VWF: variants seen among roughly 807,000 people sequenced by gnomAD.
VWF encodes Factor VIII related antigen.
VWF carries 176 observed loss-of-function variants against 308.6 expected under a neutral mutation model. The observed-to-expected ratio is 0.57, with a 90% CI of 0.50 to 0.65. VWF has a LOEUF of 0.65. Ranked by LOEUF, VWF falls within the 30% of genes least tolerant of loss-of-function variation. The pLI is 0.00. For missense variants in VWF, 3,146 were observed against 3,648.2 expected (o/e 0.86, Z 3.55); for synonymous variants, 1,385 against 1,443.4 (o/e 0.96, Z 0.92).
rs192673997 is a variant in VWF, at chr12:6,078,423, C to T, written c.658-2872G>A. On this transcript the variant is annotated intron_variant, in intron 6 of 51. Coordinates refer to ENST00000261405, the MANE Select transcript of VWF (RefSeq NM_000552.5). ...AGACTGAGGCCTGTGTCTTTCCCTCCATTCTGCCATGCTGCCTACCCCATC... is the reference window on the plus strand; with the variant it reads ...AGACTGAGGCCTGTGTCTTTCCCTCTATTCTGCCATGCTGCCTACCCCATC... Among the ~76,000 whole-genome samples, 130 of 152,316 alleles carry T rather than the reference C, an allele frequency of 8.5e-4. 1 individual carries two copies. Among genetic ancestry groups the T allele is most frequent in the Admixed American group, 2.6e-3 (40 of 15,310 alleles).
intron 34 of VWF, among the ~76,000 whole-genome samples, chr12:6,010,010 T>C (rs1240025001): frequency 6.6e-6 from 1 of 152,192 alleles, no homozygotes; most frequent in Non-Finnish European, 1.5e-5. Flanking sequence ...TCAGTGGGCA[T>C]AGTTTCAGTC....
rs1207879972 is a variant in VWF at position 6,020,512 on chromosome 12, T to C, written c.3675-769A>G. Among the ~76,000 whole-genome samples, 3 of 152,210 alleles carry C rather than the reference T, an allele frequency of 2.0e-5. No homozygotes were observed. The highest frequency in any genetic ancestry group is 7.2e-5 in the African/African-American group (3 of 41,456). ...ACACCACAAGTCTGTAGTAGAGCAG[T>C]GGCCCCCCACACACAAATTCCTACA... On this transcript the variant is annotated intron_variant, in intron 27 of 51. Transcript: ENST00000261405. This position sits in a 1 kb window ranked among gnomAD's most constrained non-coding sequence, Gnocchi z 4.3.
rs1944641455 is a variant in VWF, at chr12:6,060,408, C to T, written c.1534-2364G>A. On this transcript the variant is annotated intron_variant, in intron 13 of 51. Transcript: ENST00000261405. This position sits in a 1 kb window ranked among gnomAD's most constrained non-coding sequence, Gnocchi z 5.1. ...GGGCCCCTAGCTGCACCTCCTCTTGCACCGCCTCTGCCCCAGCTGGCCTCC... is the reference window on the plus strand; with the variant it reads ...GGGCCCCTAGCTGCACCTCCTCTTGTACCGCCTCTGCCCCAGCTGGCCTCC... Among the ~76,000 whole-genome samples, 1 of 152,028 alleles carries T rather than the reference C, an allele frequency of 6.6e-6. No homozygotes were observed.
rs145019630 is a variant in VWF, at chr12:5,998,228, G to A, written c.5843-2006C>T. Among the ~76,000 whole-genome samples, 192 of 151,938 alleles carry A rather than the reference G, an allele frequency of 1.3e-3. 2 individuals are homozygous for A. The highest frequency in any genetic ancestry group is 4.4e-3 in the African/African-American group (182 of 41,442). On this transcript the variant is annotated intron_variant, in intron 34 of 51. Coordinates refer to ENST00000261405, the MANE Select transcript of VWF (RefSeq NM_000552.5). The stretch of plus-strand genomic sequence containing the variant: ...AATATTGTCAAGTTGGCCGGGCACA[G>A]TGGCTCATACCTGTAATCTCAGCAC...
At chr12:6,003,325 T>C (rs1366424444) in intron 34 of VWF, among the ~76,000 whole-genome samples, 1 of 152,188 alleles carries the variant, frequency 6.6e-6, no homozygotes, top group Non-Finnish European at 1.5e-5. Flanking sequence ...CATCAATAAC[T>C]GAAAGAGTGT....
At chr12:6,068,835 C>CGTGTGTGT (rs34977515) in intron 10 of VWF, among the ~76,000 whole-genome samples, 101 of 91,314 alleles carry the variant, frequency 1.1e-3, no homozygotes, top group Non-Finnish European at 1.6e-3. Context: ...TTTTTTTTTG[C>CGTGTGTGT]GTGTGTGTGT....
intron 5 of VWF, 31 bp from the exon 6 acceptor site, chr12:6,095,615 T>C: frequency 6.2e-7 from 1 of 1,613,970 alleles, no homozygotes; most frequent in Admixed American, 1.7e-5. Flanking sequence ...AAAGTAATGC[T>C]TCAGTTATGC....
At chr12:5,976,397 T>C (rs1162585965) in intron 42 of VWF, 137 bp from the exon 43 acceptor site, 8 of 1,102,948 alleles carry the variant, frequency 7.3e-6, no homozygotes, top group Admixed American at 6.0e-5. Context: ...TCCGCCCATA[T>C]GCAGGGCTGC....
chr12:6,114,258 G>A (rs1299508252), intron 3 of VWF, among the ~76,000 whole-genome samples: 1 of 152,176 alleles, frequency 6.6e-6, no homozygotes, highest in African/African-American at 2.4e-5. Flanking sequence ...TTCAGAGGCA[G>A]CCAGGCAGCT....
chr12:6,092,573 C>T (rs1026012265), intron 6 of VWF, among the ~76,000 whole-genome samples: 11 of 135,398 alleles, frequency 8.1e-5, no homozygotes, highest in East Asian at 2.0e-4. Flanking sequence ...AGTGTGTGTG[C>T]GTGCGTGCAT....
Position 6,019,525 on chromosome 12 carries a change from G to T in VWF, c.3893C>A (p.Ala1298Asp), listed in dbSNP as rs554436297. 1.9e-6 allele frequency: 3 copies of T among 1,613,820 alleles called. No individual in the cohort carries two copies. The highest frequency in any genetic ancestry group is 2.7e-5 in the African/African-American group (2 of 74,914). The part of the protein sequence containing the change: ...LSEAEFEVLK[A>D]FVVDMMERLR... The stretch of plus-strand genomic sequence containing the variant: ...CCGCTCCATCATGTCCACCACAAAG[G>T]CCTTCAGCACTTCAAACTCAGCCTC... The change falls in exon 28 of 52, where the codon GCC becomes GAC. Residue 1298 changes from alanine to aspartate, a missense_variant. Around this residue, in one of 3 missense-constraint regions of VWF, gnomAD observed 853 missense variants for 1,177.8 expected, o/e 0.72. Transcript: ENST00000261405. The surrounding 1 kb of genome is among the most constrained non-coding windows in gnomAD (Gnocchi z 5.8).
Position 6,110,931 on chromosome 12 carries a change from C to T in VWF, c.258G>A (p.Val86=), listed in dbSNP as rs768147964. The change falls in exon 4 of 52, where the codon GTG becomes GTA. Residue 86 remains valine, a synonymous_variant. Coordinates refer to ENST00000261405, the MANE Select transcript of VWF (RefSeq NM_000552.5). The part of the protein sequence containing the change: ...FQNGKRVSLS[V]YLGEFFDIHL... ...GGATGTCAAAAAATTCCCCAAGATACACGGAGAGGCTCACTCTCTTGCCAT... is the reference window on the plus strand; with the variant it reads ...GGATGTCAAAAAATTCCCCAAGATATACGGAGAGGCTCACTCTCTTGCCAT... 1 of 1,614,166 alleles carries T rather than the reference C, an allele frequency of 6.2e-7. No individual in the cohort carries two copies. The highest frequency in any genetic ancestry group is 8.5e-7 in the Non-Finnish European group (1 of 1,180,026).
At chr12:5,985,965 G>C (rs1329754251) in intron 38 of VWF, among the ~76,000 whole-genome samples, 1 of 152,236 alleles carries the variant, frequency 6.6e-6, no homozygotes, top group Admixed American at 6.5e-5. Flanking sequence ...GGATCGCACT[G>C]CTAGTCATTT....
At chr12:5,980,315 G>T (rs1354205633) in intron 42 of VWF, among the ~76,000 whole-genome samples, 1 of 150,734 alleles carries the variant, frequency 6.6e-6, no homozygotes, top group African/African-American at 2.4e-5. Context: ...GATGCACATG[G>T]CACCCTTGAT....
chr12:6,097,586 A>G (rs904306218), intron 5 of VWF, among the ~76,000 whole-genome samples: 1 of 152,230 alleles, frequency 6.6e-6, no homozygotes, highest in Non-Finnish European at 1.5e-5. Flanking sequence ...TGCAGATGGT[A>G]GAAGAGGCCA....
At chr12:5,969,585 G>C (rs1052792795) in intron 44 of VWF, among the ~76,000 whole-genome samples, 194 bp from the exon 45 acceptor site, 6 of 152,264 alleles carry the variant, frequency 3.9e-5, no homozygotes, top group Admixed American at 6.5e-5. Context: ...CAAACAGTTT[G>C]GGTCAAAATC....
intron 24 of VWF, 59 bp from the exon 25 acceptor site, chr12:6,023,846 T>C: frequency 6.3e-7 from 1 of 1,589,898 alleles, no homozygotes; most frequent in Non-Finnish European, 8.6e-7. Context: ...ACTCTGGCTC[T>C]TAGTCTGGGT....
rs900907976 is a variant in VWF, at chr12:5,971,683, G to A, written c.7464C>T (p.Gly2488=). 1.1e-5 allele frequency: 18 copies of A among 1,614,140 alleles called. No individual in the cohort carries two copies. The highest frequency in any genetic ancestry group is 1.3e-5 in the Non-Finnish European group (15 of 1,180,014). ...RSGFTYVLHE[G]ECCGRCLPSA... is the part of the protein sequence containing the mutation. ...ATGGCAGGCACCTTCCACAGCACTC[G>A]CCTTCATGCAGAACGTAAGTGAAGC... Residue 2488 remains glycine (G), a synonymous_variant, in exon 44 of 52, where the codon GGC becomes GGT. Transcript: ENST00000261405.
At position 5,993,965 on chromosome 12, in the gene VWF, C is replaced by T; in HGVS notation, c.6495G>A (p.Gln2165=). The T allele has an allele frequency of 6.2e-7, 1 of 1,614,140 alleles. No homozygotes were observed. The highest frequency in any genetic ancestry group is 8.5e-7 in the Non-Finnish European group (1 of 1,180,042). ...APATFYAICQ[Q]DSCHQEQVCE... is the part of the protein sequence containing the mutation. Reference sequence around the variant, plus strand: ...ACACTTGCTCCTGGTGGCAACTGTCCTGCTGGCAGATGGCATAGAATGTGG... The same window carrying T: ...ACACTTGCTCCTGGTGGCAACTGTCTTGCTGGCAGATGGCATAGAATGTGG... The change falls in exon 37 of 52, where the codon CAG becomes CAA. Residue 2165 remains glutamine, a synonymous_variant. Transcript: ENST00000261405.
Sources: gnomAD v4.1 joint callset for allele counts (sites outside exome capture counted in the v4.1 genomes callset) on GRCh38, gnomAD v4.1.1 for gene constraint, gnomAD v4.1.1 regional missense constraint, Gnocchi (gnomAD v3.1) non-coding constraint, MANE v1.5 for transcripts, NCBI Gene and HGNC (gene_info 2026-07-23, HGNC 2026-07-21) for gene names.